Variants in ALDH7A1 observed in about 807,000 individuals in gnomAD.
ALDH7A1 encodes alpha-aminoadipic semialdehyde dehydrogenase.
In ALDH7A1, 63 loss-of-function variants were observed where a neutral mutation model predicts 79.9. The ratio of observed to expected loss-of-function variants is 0.79; its 90% confidence interval spans 0.64 to 0.97. ALDH7A1 has a LOEUF of 0.97. Among genes scored for constraint, ALDH7A1 ranks in the 50% least tolerant of loss-of-function variants. ALDH7A1 has a pLI of 0.00. For missense variants in ALDH7A1, 627 were observed against 665.2 expected, an observed-to-expected ratio of 0.94 and a Z score of 0.63; for synonymous variants, 240 against 231.2, an observed-to-expected ratio of 1.04 and a Z score of -0.34.
chr5:126,556,367 C>T lies in ALDH7A1; in HGVS notation c.1009-352G>A, dbSNP rs576413788. ...AAGCGATTCTTATACCTCAGCCTCC[C>T]GAGCAGCTGGAATTACAGGCACCCA... On this transcript the variant is annotated intron_variant, in intron 11 of 17. Coordinates refer to ENST00000409134, the MANE Select transcript of ALDH7A1 (RefSeq NM_001182.5). Among the ~76,000 whole-genome samples, 116 of 151,560 alleles carry T rather than the reference C, an allele frequency of 7.7e-4. 1 individual carries two copies. Among genetic ancestry groups the T allele is most frequent in the Admixed American group, 7.4e-3 (112 of 15,216 alleles).
rs1208809060 is a variant in ALDH7A1, at chr5:126,544,211, G to T, written c.*754C>A. The T allele has an allele frequency of 6.6e-6, 1 of 152,200 alleles. No individual in the cohort carries two copies. Among genetic ancestry groups the T allele is most frequent in the Non-Finnish European group, 1.5e-5 (1 of 68,184 alleles). 9.4% of individuals were successfully genotyped at this position (152,200 alleles called of 1,614,324 possible). The stretch of plus-strand genomic sequence containing the variant: ...TAGCCTCTACTGATCCACCCGCCTC[G>T]GCCTCTCAAAGTGCTGGGATTATAG... On this transcript the variant is annotated 3_prime_UTR_variant, in exon 18 of 18. Transcript: ENST00000409134.
At chr5:126,551,062 T>G (rs1229555971) in intron 14 of ALDH7A1, among the ~76,000 whole-genome samples, 1 of 152,156 alleles carries the variant, frequency 6.6e-6, no homozygotes, top group Non-Finnish European at 1.5e-5. Flanking sequence ...CCCGAGTAGC[T>G]AGGACTATAG....
intron 1 of ALDH7A1, 83 bp downstream of exon 1, chr5:126,594,924 G>A: frequency 1.3e-6 from 2 of 1,519,850 alleles, no homozygotes; most frequent in Non-Finnish European, 1.8e-6. Flanking sequence ...TCCAGCGCCA[G>A]CGGGGAGTCG....
In ALDH7A1 at chr5:126,595,133, C is replaced by G. The variant is rs1049217; in HGVS notation, c.66G>C (p.Trp22Cys). Residue 22 changes from tryptophan to cysteine, a missense_variant, in exon 1 of 18, where the codon TGG becomes TGC. Trp to Cys is a radical substitution (Grantham distance 215). Transcript: ENST00000409134. ...AAKTSKLSGP[W>C]SRPAAFMSTL... The stretch of plus-strand genomic sequence containing the variant: ...TGGACATGAAGGCGGCAGGCCTGCT[C>G]CAAGGTCCAGAGAGCTTGCTGGTCT... 1.9e-6 allele frequency: 3 copies of G among 1,570,896 alleles called. No individual in the cohort carries two copies. Among genetic ancestry groups the G allele is most frequent in the African/African-American group, 2.7e-5 (2 of 73,640 alleles).
At chr5:126,547,319 AG>A (rs1178723085) in intron 16 of ALDH7A1, among the ~76,000 whole-genome samples, 1 of 152,214 alleles carries the variant, frequency 6.6e-6, no homozygotes, top group Non-Finnish European at 1.5e-5. Flanking sequence ...GTGGGCAGGG[AG>A]GGAGTAGGGA....
At chr5:126,577,569 T>C (rs1219451361) in intron 5 of ALDH7A1, among the ~76,000 whole-genome samples, 4 of 152,032 alleles carry the variant, frequency 2.6e-5, no homozygotes, top group African/African-American at 7.2e-5. Flanking sequence ...CTTAGGCCCA[T>C]GTTGTTTTGT....
At chr5:126,588,616 T>A (rs1337922105) in intron 3 of ALDH7A1, 1 of 152,192 alleles carries the variant, frequency 6.6e-6, no homozygotes, top group African/African-American at 2.4e-5. Flanking sequence ...TAAGTTGCAC[T>A]AGCATTCAAA....
At chr5:126,564,080 C>T (rs978656485) in intron 9 of ALDH7A1, among the ~76,000 whole-genome samples, 1 of 152,196 alleles carries the variant, frequency 6.6e-6, no homozygotes, top group African/African-American at 2.4e-5. Flanking sequence ...AGCCACTACA[C>T]CTGGCCTATA....
At chr5:126,564,597 A>G in intron 9 of ALDH7A1, 31 of 1,245,082 alleles carry the variant, frequency 2.5e-5, no homozygotes, top group Non-Finnish European at 3.1e-5. Flanking sequence ...ATTGCTCTGA[A>G]ACAGGTAAGC....
At chr5:126,569,535 T>C (rs963540872) in intron 8 of ALDH7A1, 22 of 152,204 alleles carry the variant, frequency 1.4e-4, no homozygotes. Flanking sequence ...CTTGGCTCAA[T>C]TGCCTAGGTC....
chr5:126,590,097 G>A (rs1283056248), intron 3 of ALDH7A1, among the ~76,000 whole-genome samples: 1 of 150,956 alleles, frequency 6.6e-6, no homozygotes, highest in East Asian at 2.0e-4. Flanking sequence ...GGGAAGTGAG[G>A]AGCACCTCTG....
intron 11 of ALDH7A1, 60 bp from the exon 12 acceptor site, chr5:126,556,075 GAAT>G: frequency 1.7e-6 from 2 of 1,173,668 alleles, no homozygotes; most frequent in Non-Finnish European, 2.5e-6. Context: ...TTTAAACAAT[GAAT>G]AATTTCCTTG....
chr5:126,583,666 A>C (rs778239065), intron 4 of ALDH7A1, among the ~76,000 whole-genome samples: 71 of 150,972 alleles, frequency 4.7e-4, no homozygotes, highest in African/African-American at 1.2e-3. Flanking sequence ...ATGAAACCCC[A>C]TGTCTACTTT....
At chr5:126,591,371 G>C (rs910367476) in intron 3 of ALDH7A1, among the ~76,000 whole-genome samples, 2 of 151,830 alleles carry the variant, frequency 1.3e-5, no homozygotes, top group Non-Finnish European at 2.9e-5. Context: ...TTTACACAAA[G>C]ACGTATCTTG....
At chr5:126,550,426 TCA>T (rs2112753241) in intron 14 of ALDH7A1, 133 bp from the exon 15 acceptor site, 1 of 719,858 alleles carries the variant, frequency 1.4e-6, no homozygotes, top group South Asian at 1.8e-5. Flanking sequence ...TCAAGTTTAC[TCA>T]CTCTGTTTCT....
chr5:126,566,296 C>A (rs556536549), intron 9 of ALDH7A1, among the ~76,000 whole-genome samples: 1 of 152,280 alleles, frequency 6.6e-6, no homozygotes, highest in South Asian at 2.1e-4. Flanking sequence ...ACTTACACTT[C>A]TTTTGTTAAA....
intron 5 of ALDH7A1, among the ~76,000 whole-genome samples, chr5:126,578,063 C>T (rs906930338): frequency 2.0e-5 from 3 of 150,348 alleles, no homozygotes; most frequent in Admixed American, 6.6e-5. Flanking sequence ...GGCAGGTGGA[C>T]TCCCGACTTG....
intron 16 of ALDH7A1, 58 bp from the exon 17 acceptor site, chr5:126,546,457 T>G: frequency 1.3e-6 from 2 of 1,510,150 alleles, no homozygotes; most frequent in Non-Finnish European, 1.8e-6. Context: ...GGGCTCATAG[T>G]TGGTATCAAT....
chr5:126,554,120 C>G (rs1350619420), intron 13 of ALDH7A1, among the ~76,000 whole-genome samples, 167 bp downstream of exon 13: 1 of 152,104 alleles, frequency 6.6e-6, no homozygotes, highest in Non-Finnish European at 1.5e-5. Context: ...AACAGACAAA[C>G]AAACAAAAAC....
Sources: allele counts gnomAD v4.1 joint callset (sites outside exome capture counted in the v4.1 genomes callset), GRCh38; gene constraint gnomAD v4.1.1; transcripts MANE v1.5; gene names NCBI Gene and HGNC (gene_info 2026-07-23, HGNC 2026-07-21).